GRIN2B: variants seen among roughly 807,000 people sequenced by gnomAD.
GRIN2B encodes the protein glutamate receptor ionotropic, NMDA 2B.
A neutral mutation model predicts 114.5 loss-of-function variants in GRIN2B; 5 were observed. The observed-to-expected ratio is 0.04, with a 90% CI of 0.02 to 0.09. The LOEUF (loss-of-function observed/expected upper bound fraction) is 0.09, where lower values mean the gene tolerates loss of function less well. Among genes scored for constraint, GRIN2B ranks in the 10% least tolerant of loss-of-function variants. The probability of loss-of-function intolerance (pLI) is 1.00; values close to 1 mark genes in which losing one functional copy is unlikely to be tolerated. For missense variants in GRIN2B, 1,108 were observed against 1,943.5 expected (o/e 0.57, Z 8.08); for synonymous variants, 787 against 745.1 (o/e 1.06, Z -0.92).
chr12:13,584,017 A>AAAAG (rs1232397971), intron 10 of GRIN2B, among the ~76,000 whole-genome samples: 1 of 152,202 alleles, frequency 6.6e-6, no homozygotes, highest in Non-Finnish European at 1.5e-5. Flanking sequence ...GGATAAATGA[A>AAAAG]AAAGAAAGAC....
chr12:13,760,709 C>T (rs1205741219), intron 3 of GRIN2B, among the ~76,000 whole-genome samples: 2 of 152,092 alleles, frequency 1.3e-5, no homozygotes, highest in Non-Finnish European at 2.9e-5. Context: ...CCAGGGTTAC[C>T]CAGCTGTCCT....
At position 13,753,572 on chromosome 12, in the gene GRIN2B, T is replaced by C; in HGVS notation, c.755A>G (p.Tyr252Cys). The change falls in exon 4 of 14, where the codon TAT becomes TGT. Residue 252 changes from tyrosine to cysteine, a missense_variant. Around this residue, in one of 19 missense-constraint regions of GRIN2B, gnomAD observed 199 missense variants for 439.6 expected, o/e 0.45. Transcript: ENST00000609686. This position sits in a 1 kb window ranked among gnomAD's most constrained non-coding sequence, Gnocchi z 6.2. Reference protein sequence around the residue: ...EVANSVGLTGYGYTWIVPSLV... With the variant: ...EVANSVGLTGCGYTWIVPSLV... ...ACTGGGCACGATCCACGTGTAGCCATAGCCAGTCAGCCCTACTGAGTTGGC... is the reference window on the plus strand; with the variant it reads ...ACTGGGCACGATCCACGTGTAGCCACAGCCAGTCAGCCCTACTGAGTTGGC... 1 of 1,614,222 alleles carries C rather than the reference T, an allele frequency of 6.2e-7. No homozygotes were observed. Among genetic ancestry groups the C allele is most frequent in the Non-Finnish European group, 8.5e-7 (1 of 1,180,034 alleles).
chr12:13,817,439 G>A (rs559721898), intron 3 of GRIN2B, among the ~76,000 whole-genome samples: 4 of 152,252 alleles, frequency 2.6e-5, no homozygotes, highest in African/African-American at 4.8e-5. Context: ...GTCCACACAC[G>A]AGCCACAGGA....
chr12:13,939,689 G>C (rs1162849542), intron 2 of GRIN2B, among the ~76,000 whole-genome samples: 1 of 151,598 alleles, frequency 6.6e-6, no homozygotes, highest in African/African-American at 2.4e-5. Context: ...TGAGTAGCTG[G>C]GTGCACACCA....
At chr12:13,869,702 C>T (rs1416467072) in intron 2 of GRIN2B, among the ~76,000 whole-genome samples, 1 of 152,218 alleles carries the variant, frequency 6.6e-6, no homozygotes, top group African/African-American at 2.4e-5. Flanking sequence ...AAAGCCCTTG[C>T]TCTTTCCCTT....
chr12:13,539,545 G>A lies in GRIN2B; in HGVS notation c.*23238C>T, dbSNP rs567273250. 6.6e-6 allele frequency: 1 copy of A among 152,112 alleles called. No homozygotes were observed. The highest frequency in any genetic ancestry group is 2.4e-5 in the African/African-American group (1 of 41,406). The allele number at this position is 152,112 out of a possible 1,614,324, so 9.4% of individuals were successfully genotyped here. A position where few individuals can be genotyped will look rare whatever the true frequency, so the allele number is the denominator to read the frequency against. ...CAGTAACAGGACTGGGACTGGGAGT[G>A]GGGTGGGAAACAATCAGCAAAACAA... On this transcript the variant is annotated 3_prime_UTR_variant, in exon 14 of 14. Coordinates refer to ENST00000609686, the MANE Select transcript of GRIN2B (RefSeq NM_000834.5).
intron 10 of GRIN2B, among the ~76,000 whole-genome samples, chr12:13,579,085 C>A (rs1240977080): frequency 6.6e-6 from 1 of 152,066 alleles, no homozygotes; most frequent in African/African-American, 2.4e-5. Flanking sequence ...AAGACTTAAC[C>A]ATTTAAACAA....
intron 4 of GRIN2B, among the ~76,000 whole-genome samples, chr12:13,679,869 C>A (rs1474943606): frequency 6.6e-6 from 1 of 152,130 alleles, no homozygotes; most frequent in Non-Finnish European, 1.5e-5. Context: ...ATGGAGACAT[C>A]ATTTTACTTC....
intron 3 of GRIN2B, among the ~76,000 whole-genome samples, chr12:13,801,749 G>A (rs910009910): frequency 2.0e-5 from 3 of 152,076 alleles, no homozygotes; most frequent in Non-Finnish European, 2.9e-5. Context: ...CCAGCATTCA[G>A]CCTTCATCTG....
intron 5 of GRIN2B, among the ~76,000 whole-genome samples, chr12:13,645,953 G>A (rs975886785): frequency 1.7e-4 from 26 of 152,072 alleles, no homozygotes; most frequent in Non-Finnish European, 7.4e-5. Flanking sequence ...AATTGGAGAG[G>A]AATGATTAGA....
rs1045256881 is a variant in GRIN2B, at chr12:13,647,283, A to G, written c.1125+28462T>C. Among the ~76,000 whole-genome samples the G allele has an allele frequency of 5.3e-5, 8 of 152,136 alleles. 1 individual carries two copies. Among genetic ancestry groups the G allele is most frequent in the African/African-American group, 1.9e-4 (8 of 41,460 alleles). On this transcript the variant is annotated intron_variant, in intron 5 of 13. Transcript: ENST00000609686. ...TGTTATCTCTTTTTAATAGAAGAGG[A>G]AATTAAGCTTTGGAGAACTTAAGTA...
intron 3 of GRIN2B, among the ~76,000 whole-genome samples, chr12:13,788,158 T>C (rs1208473334): frequency 6.6e-6 from 1 of 152,184 alleles, no homozygotes; most frequent in Admixed American, 6.5e-5. Flanking sequence ...GGTCTAAATA[T>C]ATAATTTTTC....
chr12:13,896,103 G>T (rs1350546342), intron 2 of GRIN2B, among the ~76,000 whole-genome samples: 1 of 152,056 alleles, frequency 6.6e-6, no homozygotes, highest in Non-Finnish European at 1.5e-5. Context: ...AGAAAATAAA[G>T]TACACAAACA....
At chr12:13,931,040 G>A (rs915650761) in intron 2 of GRIN2B, among the ~76,000 whole-genome samples, 3 of 152,130 alleles carry the variant, frequency 2.0e-5, no homozygotes, top group African/African-American at 2.4e-5. Context: ...TATGTTCTAC[G>A]TGGGACAGAT....
rs111302972 is a variant in GRIN2B at position 13,553,816 on chromosome 12, C to T, written c.*8967G>A. The T allele has an allele frequency of 3.3e-5, 5 of 152,298 alleles. No individual in the cohort carries two copies. Among genetic ancestry groups the T allele is most frequent in the South Asian group, 2.1e-4 (1 of 4,828 alleles). The allele number at this position is 152,298 out of a possible 1,614,324, so 9.4% of individuals were successfully genotyped here. ...TGATACCTAAAATTTGATCAATATC[C>T]TTCATAGTTTCTCCCTCTGTCACTT... On this transcript the variant is annotated 3_prime_UTR_variant, in exon 14 of 14. Transcript: ENST00000609686.
chr12:13,635,168 C>T (rs1465448077), intron 5 of GRIN2B, among the ~76,000 whole-genome samples: 5 of 152,150 alleles, frequency 3.3e-5, no homozygotes, highest in Non-Finnish European at 7.3e-5. Context: ...AGTGTTCATT[C>T]TGGGGTCTGA....
chr12:13,852,588 G>C (rs538103037), intron 3 of GRIN2B, among the ~76,000 whole-genome samples: 1 of 151,516 alleles, frequency 6.6e-6, no homozygotes, highest in Non-Finnish European at 1.5e-5. Flanking sequence ...TTCAAAACCA[G>C]GTGTGTACCT....
intron 3 of GRIN2B, among the ~76,000 whole-genome samples, chr12:13,837,776 A>T (rs1865302411): frequency 6.6e-6 from 1 of 152,132 alleles, no homozygotes; most frequent in Non-Finnish European, 1.5e-5. Context: ...GTGCTGAGGC[A>T]GCACCACATA....
intron 2 of GRIN2B, among the ~76,000 whole-genome samples, chr12:13,890,335 T>A (rs1423721457): frequency 3.3e-5 from 5 of 152,200 alleles, no homozygotes; most frequent in African/African-American, 9.7e-5. Flanking sequence ...GCAAACTACA[T>A]CAGGGATTCC....
Sources: allele counts gnomAD v4.1 joint callset (sites outside exome capture counted in the v4.1 genomes callset), GRCh38; gene constraint gnomAD v4.1.1; regional missense constraint gnomAD v4.1.1; non-coding constraint Gnocchi (gnomAD v3.1); transcripts MANE v1.5; gene names NCBI Gene and HGNC (gene_info 2026-07-23, HGNC 2026-07-21).